CTNND2: variants seen among roughly 807,000 people sequenced by gnomAD.
CTNND2 encodes catenin delta 2.
In CTNND2, 22 loss-of-function variants were observed where a neutral mutation model predicts 144.4. That is an observed-to-expected ratio of 0.15 (90% confidence interval 0.11 to 0.22). The LOEUF (loss-of-function observed/expected upper bound fraction) is 0.22. CTNND2 is among the 10% of genes least tolerant of loss of function. CTNND2 has a pLI of 1.00. For missense variants in CTNND2, 1,353 were observed against 1,618.8 expected, an observed-to-expected ratio of 0.84 and a Z score of 2.82; for synonymous variants, 751 against 695.6, an observed-to-expected ratio of 1.08 and a Z score of -1.25.
intron 1 of CTNND2, among the ~76,000 whole-genome samples, chr5:11,768,272 T>C (rs1789711006): frequency 1.3e-5 from 1 of 76,650 alleles, no homozygotes; most frequent in Non-Finnish European, 3.0e-5. Context: ...TCAGGAGTTT[T>C]GTTTTGTTTT....
chr5:11,567,798 T>C (rs1252471329), intron 2 of CTNND2, among the ~76,000 whole-genome samples: 1 of 152,126 alleles, frequency 6.6e-6, no homozygotes, highest in Non-Finnish European at 1.5e-5. Flanking sequence ...TTTCAGCTGA[T>C]TGACTTTTTT....
At chr5:11,008,196 T>G (rs142270037) in intron 18 of CTNND2, among the ~76,000 whole-genome samples, 5 of 152,152 alleles carry the variant, frequency 3.3e-5, no homozygotes, top group South Asian at 2.1e-4. Context: ...GCCTCCCCCA[T>G]AGAAGATGTC....
At chr5:11,551,433 T>TTTC (rs1561545458) in intron 3 of CTNND2, among the ~76,000 whole-genome samples, 1 of 25,526 alleles carries the variant, frequency 3.9e-5, no homozygotes, top group African/African-American at 3.4e-4. Context: ...TTCTTTTTTC[T>TTTC]TTTTTTTTTT....
chr5:11,410,940 C>T (rs915806231), intron 5 of CTNND2, among the ~76,000 whole-genome samples: 7 of 151,376 alleles, frequency 4.6e-5, no homozygotes, highest in South Asian at 2.1e-4. Context: ...GGCGCAATCT[C>T]GGCTCACTGC....
In CTNND2 at chr5:10,988,725, C is replaced by A. The variant is rs874291; in HGVS notation, c.3212-483G>T. ...CAGTTTTACTTAAACACTGAGTCACCTAGAAACTGCCTTTAAAAAAGTCAG... is the reference window on the plus strand; with the variant it reads ...CAGTTTTACTTAAACACTGAGTCACATAGAAACTGCCTTTAAAAAAGTCAG... On this transcript the variant is annotated intron_variant, in intron 19 of 21. Coordinates refer to ENST00000304623, the MANE Select transcript of CTNND2 (RefSeq NM_001332.4). The surrounding 1 kb of genome is among the most constrained non-coding windows in gnomAD (Gnocchi z 5.9). 7.9e-5 allele frequency among the ~76,000 whole-genome samples: 12 copies of A among 151,956 alleles called. No homozygotes were observed. Among genetic ancestry groups the A allele is most frequent in the South Asian group, 4.2e-4 (2 of 4,814 alleles).
intron 1 of CTNND2, among the ~76,000 whole-genome samples, chr5:11,737,723 G>A (rs1787770334): frequency 6.6e-6 from 1 of 152,116 alleles, no homozygotes. Flanking sequence ...GGTGATTAAG[G>A]TTAAATGGGG....
chr5:11,497,215 T>A (rs1770037471), intron 3 of CTNND2, among the ~76,000 whole-genome samples: 1 of 151,398 alleles, frequency 6.6e-6, no homozygotes. Flanking sequence ...ATTGATTCAC[T>A]CATGTGACTA....
intron 2 of CTNND2, among the ~76,000 whole-genome samples, chr5:11,641,676 ATATACATATACGTG>A (rs1782023517): frequency 7.6e-6 from 1 of 131,580 alleles, no homozygotes; most frequent in Non-Finnish European, 1.7e-5. Flanking sequence ...ATACGTGTGT[ATATACATATACGTG>A]TGTGTATATA....
chr5:11,441,847 C>T (rs546364088), intron 3 of CTNND2, among the ~76,000 whole-genome samples: 9 of 152,214 alleles, frequency 5.9e-5, no homozygotes, highest in East Asian at 1.9e-4. Context: ...AAGATATTTT[C>T]GCCAATATGT....
chr5:11,714,801 C>T (rs1258472711), intron 2 of CTNND2, among the ~76,000 whole-genome samples: 4 of 151,166 alleles, frequency 2.6e-5, no homozygotes, highest in Non-Finnish European at 5.9e-5. Flanking sequence ...CCCAGCTACT[C>T]GGGAGGCTGA....
In CTNND2 at chr5:11,470,732, C is replaced by T. The variant is rs78715593; in HGVS notation, c.288-58663G>A. On this transcript the variant is annotated intron_variant, in intron 3 of 21. Transcript: ENST00000304623. ...CTTTCCTTATTTTCAATGACCCTGA[C>T]GGTTTTGATGAGTACTGGTCAAATG... 4.2e-3 allele frequency among the ~76,000 whole-genome samples: 640 copies of T among 151,824 alleles called. 2 individuals are homozygous for T. Among genetic ancestry groups the T allele is most frequent in the Middle Eastern group, 0.017 (5 of 294 alleles).
chr5:11,302,534 T>C (rs963526025), intron 9 of CTNND2, among the ~76,000 whole-genome samples: 3 of 152,154 alleles, frequency 2.0e-5, no homozygotes, highest in African/African-American at 7.2e-5. Context: ...ACCCGGTAAA[T>C]GCCGCATGTG....
At chr5:11,806,067 C>A (rs1332564193) in intron 1 of CTNND2, among the ~76,000 whole-genome samples, 2 of 152,148 alleles carry the variant, frequency 1.3e-5, no homozygotes, top group African/African-American at 4.8e-5. Flanking sequence ...GTCTGAGAAT[C>A]TTCCAGAGTC....
At chr5:11,508,252 G>T (rs139398132) in intron 3 of CTNND2, 1 of 152,284 alleles carries the variant, frequency 6.6e-6, no homozygotes, top group African/African-American at 2.4e-5. Context: ...CCAGAAGTCT[G>T]TTTTGTAGTA....
In CTNND2 at chr5:11,207,384, TAA is replaced by T. The variant is rs202182480; in HGVS notation, c.1762-7725_1762-7724del. Among the ~76,000 whole-genome samples the T allele has an allele frequency of 2.9e-3, 408 of 139,906 alleles. 2 individuals carry two copies. Among genetic ancestry groups the T allele is most frequent in the African/African-American group, 0.01 (393 of 38,488 alleles). 91.8% of individuals were successfully genotyped at this position (139,906 alleles called of 152,430 possible). ...CACGTATCCCAGAACTTCAAGTATT[TAA>T]AAAAAAAAAAAAAGAATACATTCAA... On this transcript the variant is annotated intron_variant, in intron 10 of 21. Coordinates refer to ENST00000304623, the MANE Select transcript of CTNND2 (RefSeq NM_001332.4).
chr5:11,884,790 G>A (rs774122307), intron 1 of CTNND2, among the ~76,000 whole-genome samples: 4 of 152,116 alleles, frequency 2.6e-5, no homozygotes, highest in Non-Finnish European at 5.9e-5. Flanking sequence ...GATGTTAGCT[G>A]TGGGTTTGTC....
chr5:11,352,600 T>C (rs935526706), intron 8 of CTNND2, among the ~76,000 whole-genome samples: 2 of 152,232 alleles, frequency 1.3e-5, no homozygotes, highest in Non-Finnish European at 2.9e-5. Flanking sequence ...ACTACGGTCA[T>C]GTTGAAACTT....
At position 11,744,884 on chromosome 5, in the gene CTNND2, T is replaced by C. The variant is rs184407248; in HGVS notation, c.38-12612A>G. On this transcript the variant is annotated intron_variant, in intron 1 of 21. Transcript: ENST00000304623. ...ACCTCAGCCTGGGACTACAGGCATG[T>C]GCCACCGCGTCCAGCTAATTTTTGT... Among the ~76,000 whole-genome samples, 1,091 of 152,088 alleles carry C rather than the reference T, an allele frequency of 7.2e-3. 5 individuals carry two copies. The highest frequency in any genetic ancestry group is 0.011 in the Non-Finnish European group (775 of 67,974).
intron 11 of CTNND2, among the ~76,000 whole-genome samples, chr5:11,186,466 T>G (rs1735637693): frequency 6.6e-6 from 1 of 152,216 alleles, no homozygotes; most frequent in South Asian, 2.1e-4. Context: ...GGAAGCACAC[T>G]GTAATATGAG....
Sources: allele counts gnomAD v4.1 joint callset (sites outside exome capture counted in the v4.1 genomes callset), GRCh38; gene constraint gnomAD v4.1.1; non-coding constraint Gnocchi (gnomAD v3.1); transcripts MANE v1.5; gene names NCBI Gene and HGNC (gene_info 2026-07-23, HGNC 2026-07-21).